The following CCDC91 variants were observed in gnomAD, a reference collection of about 807,000 sequenced individuals.
The protein encoded by CCDC91 is coiled-coil domain-containing protein 91.
A neutral mutation model predicts 63.2 loss-of-function variants in CCDC91; 48 were observed. The observed-to-expected ratio is 0.76, with a 90% confidence interval of 0.60 to 0.97. The LOEUF is 0.97. Ranked by LOEUF, CCDC91 falls within the 50% of genes least tolerant of loss-of-function variation. The pLI is 0.00. For synonymous variants in CCDC91, 167 were observed against 165.8 expected (o/e 1.01, Z -0.06); for missense variants, 500 against 494.6 (o/e 1.01, Z -0.10).
chr12:28,192,691 C>A (rs1941364490), intron 1 of CCDC91, among the ~76,000 whole-genome samples: 1 of 151,902 alleles, frequency 6.6e-6, no homozygotes, highest in African/African-American at 2.4e-5. Flanking sequence ...ATTCCCATAC[C>A]CAGTAAGTTT....
At chr12:28,546,882 C>CAA (rs1943027509) in intron 12 of CCDC91, among the ~76,000 whole-genome samples, 1 of 152,050 alleles carries the variant, frequency 6.6e-6, no homozygotes, top group African/African-American at 2.4e-5. Context: ...GTACCTTGAA[C>CAA]ATCTTTTGAA....
At chr12:28,299,873 C>T (rs1937860058) in intron 3 of CCDC91, among the ~76,000 whole-genome samples, 1 of 150,224 alleles carries the variant, frequency 6.7e-6, no homozygotes, top group Non-Finnish European at 1.5e-5. Context: ...TTTAAATGTT[C>T]TTTATTTATT....
chr12:28,339,828 T>C (rs1476933495), intron 6 of CCDC91, among the ~76,000 whole-genome samples: 3 of 152,174 alleles, frequency 2.0e-5, no homozygotes, highest in African/African-American at 7.2e-5. Context: ...GAATCTCACT[T>C]CAACCAGCAG....
chr12:28,267,788 TTATATATAATTATATAGTAA>T (rs1947335967), intron 3 of CCDC91, among the ~76,000 whole-genome samples: 1 of 78,668 alleles, frequency 1.3e-5, no homozygotes, highest in African/African-American at 4.9e-5. Context: ...TAATATATAA[TTATATATAATTATATAGTAA>T]TATATAATTA....
chr12:28,458,128 T>C (rs1291986009), intron 11 of CCDC91, among the ~76,000 whole-genome samples: 5 of 152,180 alleles, frequency 3.3e-5, no homozygotes, highest in African/African-American at 1.2e-4. Flanking sequence ...ATTTCTATTT[T>C]AGCTTAGCAG....
intron 6 of CCDC91, among the ~76,000 whole-genome samples, chr12:28,346,773 T>C (rs79763460): frequency 1.7e-3 from 257 of 152,332 alleles, no homozygotes; most frequent in African/African-American, 5.7e-3. Flanking sequence ...CTCTTGGTTA[T>C]TTATAGTGGC....
chr12:28,543,766 C>T (rs1031357112), intron 12 of CCDC91, among the ~76,000 whole-genome samples: 4 of 151,978 alleles, frequency 2.6e-5, no homozygotes, highest in Non-Finnish European at 4.4e-5. Flanking sequence ...TTTATCATGT[C>T]TGAAACAAAA....
chr12:28,420,438 A>C (rs1947933643), intron 8 of CCDC91, among the ~76,000 whole-genome samples: 1 of 152,162 alleles, frequency 6.6e-6, no homozygotes. Flanking sequence ...TATTTTTCCT[A>C]CTTTAAAAGT....
intron 6 of CCDC91, among the ~76,000 whole-genome samples, chr12:28,343,206 A>C (rs1942568306): frequency 6.6e-6 from 1 of 151,092 alleles, no homozygotes; most frequent in Admixed American, 6.6e-5. Context: ...TAATATATAT[A>C]TATATATATA....
chr12:28,216,088 C>T (rs983386640), intron 1 of CCDC91, among the ~76,000 whole-genome samples: 18 of 151,890 alleles, frequency 1.2e-4, no homozygotes, highest in African/African-American at 4.3e-4. Flanking sequence ...CATGAAGACT[C>T]TAGGATTTCC....
chr12:28,301,377 T>C (rs562436013), intron 3 of CCDC91, among the ~76,000 whole-genome samples: 2 of 151,784 alleles, frequency 1.3e-5, no homozygotes, highest in African/African-American at 4.8e-5. Flanking sequence ...TAATGAATTC[T>C]TTAATAGGTA....
At chr12:28,271,769 G>T (rs1947779813) in intron 3 of CCDC91, among the ~76,000 whole-genome samples, 1 of 151,562 alleles carries the variant, frequency 6.6e-6, no homozygotes, top group Non-Finnish European at 1.5e-5. Flanking sequence ...AAAATACAAA[G>T]AATGTGGAAC....
intron 11 of CCDC91, 87 bp from the exon 12 acceptor site, chr12:28,483,965 T>A: frequency 1.5e-6 from 1 of 680,738 alleles, no homozygotes; most frequent in Non-Finnish European, 2.5e-6. Context: ...TGAAACCCGC[T>A]GAAGAGGATG....
At chr12:28,441,415 A>G (rs1304235163) in intron 8 of CCDC91, among the ~76,000 whole-genome samples, 2 of 152,082 alleles carry the variant, frequency 1.3e-5, no homozygotes, top group African/African-American at 4.8e-5. Flanking sequence ...TCCTTTATTC[A>G]CAGTAGCCAA....
intron 8 of CCDC91, among the ~76,000 whole-genome samples, chr12:28,448,185 G>A (rs1949629282): frequency 6.6e-6 from 1 of 152,074 alleles, no homozygotes; most frequent in Non-Finnish European, 1.5e-5. Flanking sequence ...AACTTACCTA[G>A]CCTCTCTAAG....
At chr12:28,347,896 A>G (rs1168461027) in intron 6 of CCDC91, among the ~76,000 whole-genome samples, 1 of 152,222 alleles carries the variant, frequency 6.6e-6, no homozygotes, top group Non-Finnish European at 1.5e-5. Context: ...AGAAAAACAG[A>G]AATCTAGTGG....
intron 3 of CCDC91, among the ~76,000 whole-genome samples, chr12:28,292,521 A>T (rs1949313852): frequency 6.6e-6 from 1 of 152,074 alleles, no homozygotes; most frequent in Admixed American, 6.5e-5. Context: ...TGAGAGTTGG[A>T]GTCTTTAGTA....
At chr12:28,288,222 G>A (rs1056048945) in intron 3 of CCDC91, among the ~76,000 whole-genome samples, 1 of 152,112 alleles carries the variant, frequency 6.6e-6, no homozygotes, top group African/African-American at 2.4e-5. Context: ...GCTCTGTCCA[G>A]GACTTCCAAT....
chr12:28,272,998 C>T (rs1401664525), intron 3 of CCDC91, among the ~76,000 whole-genome samples: 3 of 133,032 alleles, frequency 2.3e-5, no homozygotes, highest in Non-Finnish European at 3.3e-5. Flanking sequence ...CCTCCCCCCA[C>T]CCCACAACAG....
Sources: gnomAD v4.1 joint callset for allele counts (sites outside exome capture counted in the v4.1 genomes callset) on GRCh38, gnomAD v4.1.1 for gene constraint, MANE v1.5 for transcripts, NCBI Gene and HGNC (gene_info 2026-07-23, HGNC 2026-07-21) for gene names.